Variants in DYNC2LI1 observed in about 807,000 individuals in gnomAD.
DYNC2LI1 encodes cytoplasmic dynein 2 light intermediate chain 1.
A neutral mutation model predicts 51.9 loss-of-function variants in DYNC2LI1; 45 were observed. That is an observed-to-expected ratio of 0.87 (90% CI 0.68 to 1.11). DYNC2LI1 has a LOEUF of 1.11. DYNC2LI1 is among the 50% of genes most tolerant of loss of function. The pLI is 0.00. For synonymous variants in DYNC2LI1, 130 were observed against 137.8 expected (o/e 0.94, Z 0.40); for missense variants, 490 against 417.4 (o/e 1.17, Z -1.51).
intron 12 of DYNC2LI1, among the ~76,000 whole-genome samples, chr2:43,808,783 C>T (rs1366637426): frequency 6.6e-6 from 1 of 152,178 alleles, no homozygotes; most frequent in East Asian, 1.9e-4. Flanking sequence ...TTTTTGCTGG[C>T]TGCCTTGGAA....
the DYNC2LI1 span, among the ~76,000 whole-genome samples, chr2:43,823,380 G>A: frequency 6.9e-6 from 1 of 144,316 alleles, no homozygotes; most frequent in Non-Finnish European, 1.5e-5. Context: ...CTCATGTCAA[G>A]CTCTAGAGCA....
chr2:43,825,499 G>A, the DYNC2LI1 span, among the ~76,000 whole-genome samples: 20 of 152,194 alleles, frequency 1.3e-4, no homozygotes, highest in Non-Finnish European at 2.8e-4. Context: ...GTATGATTTC[G>A]TGGAAAAACA....
the DYNC2LI1 span, chr2:43,826,435 T>G: frequency 1.9e-6 from 3 of 1,614,182 alleles, no homozygotes; most frequent in Non-Finnish European, 2.5e-6. Context: ...ATTCGGTTCC[T>G]GCGAGCCAGT....
At chr2:43,824,957 T>G in the DYNC2LI1 span, 7 of 1,614,054 alleles carry the variant, frequency 4.3e-6, no homozygotes, top group Non-Finnish European at 5.9e-6. Context: ...ATCAAGCATT[T>G]CCGCTGGCGT....
chr2:43,822,122 T>C, the DYNC2LI1 span, among the ~76,000 whole-genome samples: 1 of 152,168 alleles, frequency 6.6e-6, no homozygotes, highest in Non-Finnish European at 1.5e-5. Context: ...CCCCTCTTCA[T>C]CCTACCCTGT....
chr2:43,807,771 AAAG>A (rs1666321933), intron 12 of DYNC2LI1, among the ~76,000 whole-genome samples: 2 of 150,606 alleles, frequency 1.3e-5, no homozygotes, highest in Admixed American at 6.6e-5. Flanking sequence ...AAAAAAAAAA[AAAG>A]GTTACAGTTA....
At chr2:43,785,176 G>A (rs959666404) in intron 3 of DYNC2LI1, among the ~76,000 whole-genome samples, 10 of 152,080 alleles carry the variant, frequency 6.6e-5, no homozygotes, top group African/African-American at 2.4e-4. Context: ...GTGCATACCT[G>A]TAGTCCCAGC....
chr2:43,815,668 G>C, the DYNC2LI1 span, among the ~76,000 whole-genome samples: 5 of 152,140 alleles, frequency 3.3e-5, no homozygotes. Flanking sequence ...TATGAGTACA[G>C]GTATGCCAAG....
the DYNC2LI1 span, chr2:43,824,122 AAAAC>A: frequency 1.1e-4 from 185 of 1,614,114 alleles, 1 homozygote; most frequent in Non-Finnish European, 7.1e-5. Flanking sequence ...CACTCTCCTG[AAAAC>A]AAACAACCCT....
At chr2:43,791,878 T>G (rs78369685) in intron 5 of DYNC2LI1, among the ~76,000 whole-genome samples, 3,297 of 152,296 alleles carry the variant, frequency 0.022, 122 homozygotes, top group African/African-American at 0.074. Flanking sequence ...GTAAAAAAAT[T>G]TTTTGGCTAT....
intron 2 of DYNC2LI1, among the ~76,000 whole-genome samples, chr2:43,782,676 C>T (rs746985267): frequency 6.6e-6 from 1 of 151,998 alleles, no homozygotes; most frequent in African/African-American, 2.4e-5. Flanking sequence ...ACTTGTATTT[C>T]CTTACTCCTA....
rs1183639561 is a variant in DYNC2LI1, at chr2:43,796,807, T to G, written c.654+12T>G. On this transcript the variant is annotated intron_variant, in intron 8 of 12. Transcript: ENST00000260605. The stretch of plus-strand genomic sequence containing the variant: ...GAGCATCATTAATGGTTTGTACATT[T>G]CTTGTCCTTTGGGCTTGAATGGACA... 1 of 1,611,274 alleles carries G rather than the reference T, an allele frequency of 6.2e-7. No individual in the cohort carries two copies. The highest frequency in any genetic ancestry group is 8.5e-7 in the Non-Finnish European group (1 of 1,177,884).
In DYNC2LI1 at chr2:43,809,709, T is replaced by C; in HGVS notation, c.998T>C (p.Leu333Pro). 6.2e-7 allele frequency: 1 copy of C among 1,610,124 alleles called. No individual in the cohort carries two copies. Among genetic ancestry groups the C allele is most frequent in the Non-Finnish European group, 8.5e-7 (1 of 1,178,298 alleles). ...DEMRIQKDLE[L>P]EQYKRSSSKS... ...TGATACATATTTTTGTTTTAGGAAC[T>C]GGAACAGTACAAAAGAAGTTCTTCC... Residue 333 changes from leucine to proline, a missense_variant, in exon 13 of 13, where the codon CTG becomes CCG. Coordinates refer to ENST00000260605, the MANE Select transcript of DYNC2LI1 (RefSeq NM_016008.4).
chr2:43,826,514 C>T, the DYNC2LI1 span: 3 of 1,614,092 alleles, frequency 1.9e-6, no homozygotes, highest in East Asian at 2.2e-5. Flanking sequence ...CATCAAACAG[C>T]ATGACCTCTG....
At chr2:43,813,323 G>T, downstream of DYNC2LI1, 1 of 1,567,770 alleles carries the variant, frequency 6.4e-7, no homozygotes, top group South Asian at 1.1e-5. Context: ...TCAAGGAAAA[G>T]ATTGACAGTG....
At chr2:43,782,026 T>C (rs865916042) in intron 2 of DYNC2LI1, among the ~76,000 whole-genome samples, 17 of 152,220 alleles carry the variant, frequency 1.1e-4, no homozygotes, top group Middle Eastern at 3.4e-3. Context: ...TGTGTGTGTG[T>C]GTGTGTGTGT....
chr2:43,792,637 T>C (rs765934727), intron 5 of DYNC2LI1: 2 of 1,517,962 alleles, frequency 1.3e-6, no homozygotes, highest in African/African-American at 2.8e-5. Context: ...TGAAACTCTT[T>C]ACCTATTAAA....
intron 5 of DYNC2LI1, among the ~76,000 whole-genome samples, chr2:43,790,833 C>T (rs143820144): frequency 6.8e-4 from 103 of 152,198 alleles, no homozygotes; most frequent in African/African-American, 2.4e-3. Context: ...TGGAATTTTA[C>T]AGTTATATAG....
chr2:43,820,646 C>A, the DYNC2LI1 span, among the ~76,000 whole-genome samples: 20 of 152,234 alleles, frequency 1.3e-4, no homozygotes, highest in South Asian at 6.2e-4. Flanking sequence ...ACCCCTTCCA[C>A]TGATTTGACC....
Sources: gnomAD v4.1 joint callset for allele counts (sites outside exome capture counted in the v4.1 genomes callset) on GRCh38, gnomAD v4.1.1 for gene constraint, MANE v1.5 for transcripts, NCBI Gene and HGNC (gene_info 2026-07-23, HGNC 2026-07-21) for gene names.